The following BTD variants were observed in gnomAD, a reference collection of about 807,000 sequenced individuals.
BTD encodes the protein biotinidase, also known as biocytinase.
In BTD, 13 loss-of-function variants were observed where a neutral mutation model predicts 17.7. The ratio of observed to expected loss-of-function variants is 0.74; its 90% confidence interval spans 0.48 to 1.17. The LOEUF is 1.17. Ranked by LOEUF, BTD falls within the 50% of genes most tolerant of loss-of-function variation. The pLI is 0.00. For synonymous variants in BTD, 240 were observed against 245.2 expected (o/e 0.98, Z 0.20); for missense variants, 674 against 650.4 (o/e 1.04, Z -0.39).
At chr3:15,698,728 A>G (rs547885164) in intron 3 of BTD, among the ~76,000 whole-genome samples, 1 of 152,312 alleles carries the variant, frequency 6.6e-6, no homozygotes, top group South Asian at 2.1e-4. Flanking sequence ...CCACTGCTCA[A>G]TGAAATAAAA....
At chr3:15,674,174 C>CA (rs34806568) in intron 3 of BTD, among the ~76,000 whole-genome samples, 5,376 of 40,116 alleles carry the variant, frequency 0.13, 861 homozygotes, top group Middle Eastern at 0.21. Flanking sequence ...CCTGCCTCTT[C>CA]AAAAAAAAAA....
At chr3:15,710,209 T>C (rs1285755082) in exon 4 of BTD, among the ~76,000 whole-genome samples, 1 of 152,216 alleles carries the variant, frequency 6.6e-6, no homozygotes, top group Non-Finnish European at 1.5e-5. Flanking sequence ...CCTGTCAGCT[T>C]TCCCTTATCT....
intron 2 of BTD, among the ~76,000 whole-genome samples, chr3:15,639,955 T>A (rs1420316335): frequency 6.6e-6 from 1 of 152,012 alleles, no homozygotes; most frequent in Admixed American, 6.6e-5. Context: ...AATACAAAAT[T>A]TAGCCAGGTG....
intron 1 of BTD, 142 bp downstream of exon 1, chr3:15,602,036 G>A (rs897827995): frequency 3.4e-6 from 5 of 1,485,430 alleles, no homozygotes; most frequent in Admixed American, 2.4e-5. Flanking sequence ...GTCGTTTGCT[G>A]GGGCTGTTTG....
At chr3:15,719,770 G>C (rs944060524) in intron 4 of BTD, among the ~76,000 whole-genome samples, 1 of 152,012 alleles carries the variant, frequency 6.6e-6, no homozygotes, top group African/African-American at 2.4e-5. Flanking sequence ...GCCCAGGCTG[G>C]TCTTGAACTC....
Position 15,623,762 on chromosome 3 carries a change from C to T in BTD, c.-16-11662C>T, listed in dbSNP as rs537887932. On this transcript the variant is annotated intron_variant, in intron 1 of 3. Transcript: ENST00000643237. The stretch of plus-strand genomic sequence containing the variant: ...CTCATGAGATCTGGTTGTTTAAAAG[C>T]GTGTAGCACTTCCCACTTAGCTCTC... Among the ~76,000 whole-genome samples, 18 of 152,250 alleles carry T rather than the reference C, an allele frequency of 1.2e-4. 1 individual carries two copies. Among genetic ancestry groups the T allele is most frequent in the Admixed American group, 9.2e-4 (14 of 15,298 alleles).
chr3:15,658,004 C>G (rs1041228912), downstream of BTD, among the ~76,000 whole-genome samples: 2 of 151,852 alleles, frequency 1.3e-5, no homozygotes, highest in Non-Finnish European at 2.9e-5. Context: ...CCCATCTCTA[C>G]TAAAAATACG....
rs150805738 is a variant in BTD, at chr3:15,662,762, G to A, written c.399+20705G>A. ...CAATCCTCCCACCTCACCCGCCTGA[G>A]CAGCTGGAACTATAGGTGTGTGCCA... On this transcript the variant is annotated intron_variant, in intron 3 of 3. Coordinates refer to the BTD transcript ENST00000672141. Among the ~76,000 whole-genome samples the A allele has an allele frequency of 4.4e-3, 664 of 151,724 alleles. 5 individuals carry two copies. Among genetic ancestry groups the A allele is most frequent in the South Asian group, 0.014 (65 of 4,800 alleles).
intron 1 of BTD, among the ~76,000 whole-genome samples, chr3:15,611,605 G>T (rs1298510766): frequency 1.3e-5 from 2 of 151,924 alleles, no homozygotes; most frequent in African/African-American, 4.8e-5. Context: ...ATGATTGTTG[G>T]CATGGTTTAG....
intron 1 of BTD, among the ~76,000 whole-genome samples, chr3:15,633,866 C>G (rs1265690335): frequency 6.6e-6 from 1 of 152,184 alleles, no homozygotes; most frequent in African/African-American, 2.4e-5. Context: ...TCTTTAGAGG[C>G]AAAATTCAGA....
intron 3 of BTD, chr3:15,684,873 C>T: frequency 4.6e-6 from 1 of 217,508 alleles, no homozygotes; most frequent in South Asian, 6.9e-5. Context: ...CCTGTAATCC[C>T]AACACTTTGG....
intron 1 of BTD, chr3:15,632,701 C>T (rs1202481681): frequency 6.6e-6 from 1 of 152,274 alleles, no homozygotes; most frequent in African/African-American, 2.4e-5. Flanking sequence ...CCGTGCATAA[C>T]CTCACGGGCC....
At chr3:15,656,156 T>C (rs1310125641), downstream of BTD, among the ~76,000 whole-genome samples, 7 of 152,210 alleles carry the variant, frequency 4.6e-5, no homozygotes, top group Non-Finnish European at 8.8e-5. Context: ...GAGTTTCTCT[T>C]TAAAGATTTA....
chr3:15,700,501 C>T (rs1370351724), intron 3 of BTD, among the ~76,000 whole-genome samples: 2 of 151,696 alleles, frequency 1.3e-5, no homozygotes, highest in East Asian at 1.9e-4. Context: ...TAGGGCCGGG[C>T]GCGGTGGCTC....
intron 3 of BTD, among the ~76,000 whole-genome samples, chr3:15,670,708 T>G (rs1010890008): frequency 1.3e-5 from 2 of 152,376 alleles, no homozygotes; most frequent in Admixed American, 1.3e-4. Context: ...CGCAAGTTTC[T>G]AATAAGTAGA....
chr3:15,626,804 A>G (rs2065078345), intron 1 of BTD, among the ~76,000 whole-genome samples: 1 of 151,172 alleles, frequency 6.6e-6, no homozygotes, highest in South Asian at 2.1e-4. Flanking sequence ...AAGAAAAGAA[A>G]AGAAAAAGAA....
At chr3:15,617,992 G>A (rs764745421) in intron 1 of BTD, among the ~76,000 whole-genome samples, 5 of 152,146 alleles carry the variant, frequency 3.3e-5, no homozygotes, top group Non-Finnish European at 7.3e-5. Context: ...GTCTCGCTCT[G>A]TCATCCAGGC....
chr3:15,666,940 AC>A (rs2066008502), intron 3 of BTD, among the ~76,000 whole-genome samples: 1 of 152,194 alleles, frequency 6.6e-6, no homozygotes, highest in South Asian at 2.1e-4. Context: ...TACCTCAATT[AC>A]ACTTTTATTA....
chr3:15,693,487 A>G (rs1035110688), intron 3 of BTD, among the ~76,000 whole-genome samples: 3 of 152,172 alleles, frequency 2.0e-5, no homozygotes, highest in African/African-American at 7.2e-5. Context: ...ACTAAGTCCT[A>G]AAGACTGCAG....
Sources: allele counts gnomAD v4.1 joint callset (sites outside exome capture counted in the v4.1 genomes callset), GRCh38; gene constraint gnomAD v4.1.1; transcripts MANE v1.5; gene names NCBI Gene and HGNC (gene_info 2026-07-23, HGNC 2026-07-21).